Variants in ARHGAP27 observed in about 807,000 individuals in gnomAD.
ARHGAP27 encodes rho GTPase-activating protein 27.
ARHGAP27 carries 53 observed loss-of-function variants against 102.0 expected under a neutral mutation model. The observed-to-expected ratio is 0.52, with a 90% CI of 0.42 to 0.65. The LOEUF (loss-of-function observed/expected upper bound fraction) is 0.65, where lower values mean the gene tolerates loss of function less well. Among genes scored for constraint, ARHGAP27 ranks in the 30% least tolerant of loss-of-function variants. The probability of loss-of-function intolerance (pLI) is 0.00; values close to 1 mark genes in which losing one functional copy is unlikely to be tolerated. For missense variants in ARHGAP27, 1,117 were observed against 1,256.2 expected (o/e 0.89, Z 1.68); for synonymous variants, 525 against 542.8 (o/e 0.97, Z 0.46).
chr17:45,402,772 C>G lies in ARHGAP27; in HGVS notation c.1685G>C (p.Arg562Thr). The G allele has an allele frequency of 6.2e-7, 1 of 1,613,308 alleles. No homozygotes were observed. Among genetic ancestry groups the G allele is most frequent in the Admixed American group, 1.7e-5 (1 of 59,884 alleles). ...GGGGGCCCAGGAGAGAGTGGCCCCCCTCAGCTCCACTGTGTACTCAGGGGT... is the reference window on the plus strand; with the variant it reads ...GGGGGCCCAGGAGAGAGTGGCCCCCGTCAGCTCCACTGTGTACTCAGGGGT... Reference protein sequence around the residue: ...FSTPEYTVELRGATLSWAPKD... With the variant: ...FSTPEYTVELTGATLSWAPKD... The change falls in exon 12 of 20, where the codon AGG becomes ACG. Residue 562 changes from arginine (R) to threonine (T), a missense_variant. By Grantham distance (71) the Arg-to-Thr change is moderately conservative. Coordinates refer to ENST00000685559, the MANE Select transcript of ARHGAP27 (RefSeq NM_001282290.2).
chr17:45,396,397 C>A (rs2045669861), intron 16 of ARHGAP27, 90 bp downstream of exon 16: 11 of 1,459,912 alleles, frequency 7.5e-6, no homozygotes, highest in African/African-American at 1.4e-5. Flanking sequence ...CTGGACCCTG[C>A]GTCCATCCAG....
At chr17:45,407,538 G>C (rs1206873166) in intron 4 of ARHGAP27, 1 of 137,278 alleles carries the variant, frequency 7.3e-6, no homozygotes, top group Non-Finnish European at 1.5e-5. Flanking sequence ...TTTTTGAGAT[G>C]GAGTCTCGCT....
rs1007844954 is a variant in ARHGAP27, at chr17:45,395,729, G to T, written c.2492+15C>A. The T allele has an allele frequency of 6.3e-7, 1 of 1,581,830 alleles. No individual in the cohort carries two copies. The highest frequency in any genetic ancestry group is 8.6e-7 in the Non-Finnish European group (1 of 1,168,426). The stretch of plus-strand genomic sequence containing the variant: ...GGACCTGCCTCCCCCTTCCCGCGCG[G>T]GCCGCCCGGCTCACCGGCAGAGGTG... On this transcript the variant is annotated intron_variant, in intron 19 of 19. Coordinates refer to ENST00000685559, the MANE Select transcript of ARHGAP27 (RefSeq NM_001282290.2).
Position 45,429,773 on chromosome 17 carries a change from G to C in ARHGAP27, c.507C>G (p.Ala169=), listed in dbSNP as rs1278144301. 2.0e-6 allele frequency: 3 copies of C among 1,527,112 alleles called. No individual in the cohort carries two copies. The highest frequency in any genetic ancestry group is 2.6e-6 in the Non-Finnish European group (3 of 1,139,926). The allele number at this position is 1,527,112 out of a possible 1,614,324, so 94.6% of individuals were successfully genotyped here. A position where few individuals can be genotyped will look rare whatever the true frequency, so the allele number is the denominator to read the frequency against. ...DLACAAVSPP[A]GLLGSSGSFK... is the part of the protein sequence containing the mutation. ...AGCTGCCGCTGCTTCCTAGGAGGCC[G>C]GCGGGAGGCGAGACGGCGGCGCAGG... Residue 169 remains alanine, a synonymous_variant, in exon 4 of 20, where the codon GCC becomes GCG. Coordinates refer to ENST00000685559, the MANE Select transcript of ARHGAP27 (RefSeq NM_001282290.2).
intron 4 of ARHGAP27, among the ~76,000 whole-genome samples, chr17:45,419,601 T>G (rs1179797644): frequency 1.4e-5 from 2 of 144,698 alleles, no homozygotes; most frequent in Non-Finnish European, 3.0e-5. Context: ...ATAAAATAAA[T>G]GAGTGATACA....
intron 4 of ARHGAP27, among the ~76,000 whole-genome samples, chr17:45,411,773 C>T (rs367736771): frequency 3.8e-4 from 58 of 151,846 alleles, no homozygotes; most frequent in Non-Finnish European, 6.8e-4. Context: ...TCTGTCCCCA[C>T]CCTGAGGCCA....
rs1769643025 is a variant in ARHGAP27, at chr17:45,395,448, G to A, written c.*8C>T. On this transcript the variant is annotated 3_prime_UTR_variant, in exon 20 of 20. Transcript: ENST00000685559. ...ACCGCGGCCGCCGCCCCAGTCACAG[G>A]CCAGCAGTCAGTGCGGCGGGAAGAT... 17 of 1,559,034 alleles carry A rather than the reference G, an allele frequency of 1.1e-5. No homozygotes were observed. Among genetic ancestry groups the A allele is most frequent in the East Asian group, 2.4e-5 (1 of 41,672 alleles).
At chr17:45,417,415 G>A (rs2048573973) in intron 4 of ARHGAP27, among the ~76,000 whole-genome samples, 1 of 151,286 alleles carries the variant, frequency 6.6e-6, no homozygotes, top group Non-Finnish European at 1.5e-5. Flanking sequence ...AATAAGACAA[G>A]ATTGTGCCAT....
intron 4 of ARHGAP27, 172 bp downstream of exon 4, chr17:45,429,451 G>A (rs1176905025): frequency 2.1e-6 from 3 of 1,455,064 alleles, no homozygotes; most frequent in Non-Finnish European, 2.7e-6. Flanking sequence ...GACTGCGGGC[G>A]TGCACCCCTC....
At chr17:45,426,727 C>T (rs1334295266) in intron 4 of ARHGAP27, among the ~76,000 whole-genome samples, 1 of 152,068 alleles carries the variant, frequency 6.6e-6, no homozygotes, top group African/African-American at 2.4e-5. Flanking sequence ...CATCCATGAC[C>T]CTACACCCCC....
rs1373674624 is a variant in ARHGAP27 at position 45,395,429 on chromosome 17, G to C, written c.*27C>G. 6.5e-7 allele frequency: 1 copy of C among 1,538,980 alleles called. No individual in the cohort carries two copies. Among genetic ancestry groups the C allele is most frequent in the Non-Finnish European group, 8.8e-7 (1 of 1,138,992 alleles). On this transcript the variant is annotated 3_prime_UTR_variant, in exon 20 of 20. Transcript: ENST00000685559. ...GCCCAGCTTGTGTGGCAGGACCGCGGCCGCCGCCCCAGTCACAGGCCAGCA... is the reference window on the plus strand; with the variant it reads ...GCCCAGCTTGTGTGGCAGGACCGCGCCCGCCGCCCCAGTCACAGGCCAGCA...
chr17:45,401,874 C>G (rs2046478722), intron 12 of ARHGAP27, among the ~76,000 whole-genome samples: 1 of 152,216 alleles, frequency 6.6e-6, no homozygotes, highest in Admixed American at 6.5e-5. Context: ...CCCCTAATTC[C>G]TCTCCATCTT....
rs1312024872 is a variant in ARHGAP27 at position 45,420,307 on chromosome 17, T to C, written c.657+9316A>G. On this transcript the variant is annotated intron_variant, in intron 4 of 19. Transcript: ENST00000685559. ...AAAGTAAACAAGGTTTTTGTTTTGT[T>C]TTGTTTTGTTTTTTACCTTGTTTTA... is the stretch of plus-strand genomic sequence containing the variant. Among the ~76,000 whole-genome samples the C allele has an allele frequency of 5.3e-5, 8 of 152,160 alleles. No individual in the cohort carries two copies. In the South Asian group the frequency reaches 1.5e-3, roughly 28 times the overall value.
chr17:45,410,695 G>T (rs779149165), intron 4 of ARHGAP27, among the ~76,000 whole-genome samples: 17 of 152,012 alleles, frequency 1.1e-4, no homozygotes, highest in Non-Finnish European at 2.1e-4. Flanking sequence ...CACAGACAGG[G>T]TGGGCAGAGG....
chr17:45,396,533 C>G lies in ARHGAP27; in HGVS notation c.2127G>C (p.Arg709=). Residue 709 remains arginine, a synonymous_variant, in exon 16 of 20, where the codon CGG becomes CGC. Coordinates refer to ENST00000685559, the MANE Select transcript of ARHGAP27 (RefSeq NM_001282290.2). ...TGCACTGCTGCACGAAGCGTGGCAC[C>G]CGGCTCCTCTCGCGCTCACACAGCG... ...LAALCERERS[R]VPRFVQQCIR... is the part of the protein sequence containing the mutation. 1 of 1,587,040 alleles carries G rather than the reference C, an allele frequency of 6.3e-7. No individual in the cohort carries two copies.
intron 4 of ARHGAP27, 33 bp downstream of exon 4, chr17:45,429,590 C>T: frequency 6.3e-7 from 1 of 1,575,138 alleles, no homozygotes; most frequent in Non-Finnish European, 8.6e-7. Context: ...TAGCGCGCCA[C>T]CCGCCTCCGC....
At chr17:45,416,034 T>G (rs1033527599) in intron 4 of ARHGAP27, among the ~76,000 whole-genome samples, 5 of 149,888 alleles carry the variant, frequency 3.3e-5, no homozygotes, top group African/African-American at 9.8e-5. Context: ...AAGTTTTTGT[T>G]TTTTTTTTTT....
chr17:45,409,943 G>A (rs1013991810), intron 4 of ARHGAP27: 3 of 433,694 alleles, frequency 6.9e-6, no homozygotes, highest in Non-Finnish European at 1.2e-5. Flanking sequence ...GGAGCCAAGA[G>A]GGACCTGGCT....
At chr17:45,406,389 A>T (rs774289326) in intron 4 of ARHGAP27, among the ~76,000 whole-genome samples, 2 of 152,200 alleles carry the variant, frequency 1.3e-5, no homozygotes, top group Non-Finnish European at 2.9e-5. Flanking sequence ...TCTCTGCCTC[A>T]GTTTCCTGGG....
Sources: gnomAD v4.1 joint callset for allele counts (sites outside exome capture counted in the v4.1 genomes callset) on GRCh38, gnomAD v4.1.1 for gene constraint, MANE v1.5 for transcripts, NCBI Gene and HGNC (gene_info 2026-07-23, HGNC 2026-07-21) for gene names.